The following UNC13C variants were observed in gnomAD, a reference collection of about 807,000 sequenced individuals.
UNC13C encodes the protein protein unc-13 homolog C.
A neutral mutation model predicts 245.4 loss-of-function variants in UNC13C; 174 were observed. That is an observed-to-expected ratio of 0.71 (90% CI 0.63 to 0.80). The LOEUF (loss-of-function observed/expected upper bound fraction) is 0.80, where lower values mean the gene tolerates loss of function less well. UNC13C is among the 30% of genes least tolerant of loss of function. The pLI is 0.00. For synonymous variants in UNC13C, 992 were observed against 895.1 expected, an observed-to-expected ratio of 1.11 and a Z score of -1.93; for missense variants, 2,829 against 2,602.9, an observed-to-expected ratio of 1.09 and a Z score of -1.89.
intron 8 of UNC13C, among the ~76,000 whole-genome samples, chr15:54,255,691 A>C (rs1416422554): frequency 6.6e-6 from 1 of 151,972 alleles, no homozygotes; most frequent in Non-Finnish European, 1.5e-5. Context: ...TGGGAAATGC[A>C]ACATTTGGGC....
the UNC13C span, among the ~76,000 whole-genome samples, chr15:53,937,526 GCAGAGAACCC>G: frequency 6.6e-6 from 1 of 152,092 alleles, no homozygotes; most frequent in African/African-American, 2.4e-5. Flanking sequence ...TTCAGGAAAT[GCAGAGAACCC>G]CAGTAAGATA....
chr15:54,372,093 A>G (rs2039498780), intron 17 of UNC13C, among the ~76,000 whole-genome samples: 1 of 152,174 alleles, frequency 6.6e-6, no homozygotes, highest in Non-Finnish European at 1.5e-5. Context: ...GTAGATTTTA[A>G]GTGTTCTCAG....
chr15:54,147,695 C>T (rs1054441921), intron 4 of UNC13C, among the ~76,000 whole-genome samples: 1 of 102,018 alleles, frequency 9.8e-6, no homozygotes, highest in Non-Finnish European at 2.1e-5. Context: ...TTATAAGAAG[C>T]ATCACAAGGG....
chr15:54,167,986 G>A (rs553403742), intron 4 of UNC13C, among the ~76,000 whole-genome samples: 2 of 152,198 alleles, frequency 1.3e-5, no homozygotes, highest in Non-Finnish European at 2.9e-5. Context: ...CAAAGATGTG[G>A]AACAACCAAA....
At chr15:53,901,218 C>CTTTT in the UNC13C span, among the ~76,000 whole-genome samples, 3 of 104,822 alleles carry the variant, frequency 2.9e-5, no homozygotes, top group Admixed American at 1.1e-4. Context: ...TCATAGATTT[C>CTTTT]TTTTTTTTTT....
the UNC13C span, among the ~76,000 whole-genome samples, chr15:53,931,861 G>A: frequency 2.0e-5 from 3 of 152,068 alleles, no homozygotes; most frequent in Non-Finnish European, 2.9e-5. Context: ...TGCTGTCAAC[G>A]GTTCATATCG....
intron 2 of UNC13C, among the ~76,000 whole-genome samples, chr15:54,038,124 A>ATATATATTTTTTTTTTTTTTTT: frequency 8.9e-5 from 4 of 45,032 alleles, no homozygotes; most frequent in East Asian, 2.2e-3. Context: ...ATATATATAT[A>ATATATATTTTTTTTTTTTTTTT]TTTTTTTTTT....
chr15:54,436,433 G>A (rs2040988143), intron 19 of UNC13C, among the ~76,000 whole-genome samples: 2 of 151,886 alleles, frequency 1.3e-5, no homozygotes, highest in Admixed American at 6.6e-5. Flanking sequence ...GGGACAGACT[G>A]GATAAAGAAA....
intron 19 of UNC13C, among the ~76,000 whole-genome samples, chr15:54,424,868 T>C (rs1229460342): frequency 6.6e-6 from 1 of 151,726 alleles, no homozygotes. Flanking sequence ...GGTAAATTAG[T>C]GTATTGTGCT....
At chr15:54,065,814 T>G (rs1001744959) in intron 2 of UNC13C, among the ~76,000 whole-genome samples, 1 of 151,972 alleles carries the variant, frequency 6.6e-6, no homozygotes, top group Non-Finnish European at 1.5e-5. Flanking sequence ...AGGAACGGAG[T>G]TGGTGAACAC....
intron 2 of UNC13C, among the ~76,000 whole-genome samples, chr15:54,132,275 T>C (rs35649041): frequency 0.37 from 55,669 of 151,646 alleles, 10,287 homozygotes; most frequent in Admixed American, 0.39. Context: ...TTTCACCATG[T>C]TAGCCAGGAT....
the UNC13C span, among the ~76,000 whole-genome samples, chr15:53,903,231 A>G: frequency 6.6e-6 from 1 of 152,234 alleles, no homozygotes; most frequent in Non-Finnish European, 1.5e-5. Flanking sequence ...CTCAGATTTC[A>G]AGATTGGCTT....
chr15:54,300,554 C>T (rs937041683), intron 13 of UNC13C, among the ~76,000 whole-genome samples, 181 bp downstream of exon 13: 1 of 152,108 alleles, frequency 6.6e-6, no homozygotes, highest in Non-Finnish European at 1.5e-5. Flanking sequence ...CTTGGTAATT[C>T]ACTACCACCA....
chr15:54,344,656 A>T (rs184311494), intron 17 of UNC13C, among the ~76,000 whole-genome samples: 1 of 152,200 alleles, frequency 6.6e-6, no homozygotes, highest in African/African-American at 2.4e-5. Context: ...ACTTCATATG[A>T]TTAAGGCTTA....
chr15:54,143,791 C>T (rs1274914020), intron 4 of UNC13C, 107 bp downstream of exon 4: 4 of 700,462 alleles, frequency 5.7e-6, no homozygotes, highest in African/African-American at 3.6e-5. Context: ...TAGCTAGCCT[C>T]ATTGTTACTT....
rs1350943308 is a variant in UNC13C at position 54,237,486 on chromosome 15, CA to C, written c.3157-129del. ...TATTCTGGGTGAATCGGCTGATTAC[CA>C]AAATGGCAGGTCCTTACTAACTAAA... On this transcript the variant is annotated intron_variant, in intron 6 of 32. Coordinates refer to ENST00000260323, the MANE Select transcript of UNC13C (RefSeq NM_001080534.3). 5 of 743,544 alleles carry C rather than the reference CA, an allele frequency of 6.7e-6. No homozygotes were observed. The African/African-American group carries it at 8.7e-5, about 13-fold the overall frequency. 46.1% of individuals were successfully genotyped at this position (743,544 alleles called of 1,614,324 possible). A position where few individuals can be genotyped will look rare whatever the true frequency, so the allele number is the denominator to read the frequency against.
chr15:54,529,451 T>A (rs573584630), intron 25 of UNC13C, among the ~76,000 whole-genome samples: 1 of 152,162 alleles, frequency 6.6e-6, no homozygotes, highest in Non-Finnish European at 1.5e-5. Flanking sequence ...AATATTTCCA[T>A]AATGTAAATG....
chr15:53,954,200 G>A, the UNC13C span, among the ~76,000 whole-genome samples: 1 of 152,188 alleles, frequency 6.6e-6, no homozygotes, highest in Non-Finnish European at 1.5e-5. Flanking sequence ...GTTATCATCA[G>A]CTTATTGTTT....
At chr15:53,887,129 A>G in the UNC13C span, among the ~76,000 whole-genome samples, 3 of 152,184 alleles carry the variant, frequency 2.0e-5, no homozygotes, top group East Asian at 1.9e-4. Context: ...GGCTTCATTA[A>G]TTATAACAAA....
Sources: gnomAD v4.1 joint callset for allele counts (sites outside exome capture counted in the v4.1 genomes callset) on GRCh38, gnomAD v4.1.1 for gene constraint, MANE v1.5 for transcripts, NCBI Gene and HGNC (gene_info 2026-07-23, HGNC 2026-07-21) for gene names.